Variants in TMEM9B observed in about 807,000 individuals in gnomAD.
The protein encoded by TMEM9B is transmembrane protein 9B.
A neutral mutation model predicts 23.5 loss-of-function variants in TMEM9B; 8 were observed. The ratio of observed to expected loss-of-function variants is 0.34; its 90% CI spans 0.20 to 0.61. The LOEUF is 0.61. Among genes scored for constraint, TMEM9B ranks in the 20% least tolerant of loss-of-function variants. TMEM9B has a pLI of 0.78. For missense variants in TMEM9B, 197 were observed against 252.3 expected (o/e 0.78, Z 1.49); for synonymous variants, 106 against 96.3 (o/e 1.10, Z -0.59).
intron 2 of TMEM9B, among the ~76,000 whole-genome samples, chr11:8,961,857 C>T (rs1283343541): frequency 6.6e-6 from 1 of 152,194 alleles, no homozygotes; most frequent in Admixed American, 6.5e-5. Flanking sequence ...CAGTCATATG[C>T]TCCCATGAAA....
At chr11:8,964,485 A>C, upstream of TMEM9B, 16 of 1,418,216 alleles carry the variant, frequency 1.1e-5, no homozygotes, top group Non-Finnish European at 1.3e-5. Context: ...AGATGCAAAA[A>C]GCATCCGCCC....
intron 3 of TMEM9B, among the ~76,000 whole-genome samples, chr11:8,955,923 A>G (rs1299078269): frequency 6.6e-6 from 1 of 152,232 alleles, no homozygotes; most frequent in Non-Finnish European, 1.5e-5. Context: ...CTGCTCTCTC[A>G]GCCTCTGGCA....
intron 2 of TMEM9B, among the ~76,000 whole-genome samples, chr11:8,960,136 CTGTTTT>C (rs1276538956): frequency 3.4e-5 from 4 of 116,800 alleles, no homozygotes; most frequent in Non-Finnish European, 6.9e-5. Flanking sequence ...TTCTTTGTTT[CTGTTTT>C]TTTTTTTTTT....
rs537206335 is a variant in TMEM9B at position 8,958,864 on chromosome 11, C to A, written c.198-2566G>T. 2.0e-5 allele frequency among the ~76,000 whole-genome samples: 3 copies of A among 152,170 alleles called. No individual in the cohort carries two copies. The East Asian group carries it at 5.8e-4, about 29-fold the overall frequency. The stretch of plus-strand genomic sequence containing the variant: ...GGCATTACAGGCATGAGTCACCGCA[C>A]CCGGCCCAGGTTATTCTTAACAGGT... On this transcript the variant is annotated intron_variant, in intron 2 of 4. Coordinates refer to ENST00000534025, the MANE Select transcript of TMEM9B (RefSeq NM_020644.3).
At chr11:8,954,827 T>G (rs1853944206) in intron 3 of TMEM9B, among the ~76,000 whole-genome samples, 1 of 151,976 alleles carries the variant, frequency 6.6e-6, no homozygotes, top group African/African-American at 2.4e-5. Flanking sequence ...CCACAGGGCC[T>G]TTTGGGGGGA....
intron 1 of TMEM9B, chr11:8,962,858 T>G (rs1854106070): frequency 1.3e-5 from 2 of 152,290 alleles, no homozygotes. Flanking sequence ...AGTATCTGGA[T>G]AGAGAAAAGA....
At position 8,964,347 on chromosome 11, in the gene TMEM9B, C is replaced by A. The variant is rs767951609; in HGVS notation, c.-34G>T. 1.9e-6 allele frequency: 3 copies of A among 1,540,528 alleles called. No individual in the cohort carries two copies. Among genetic ancestry groups the A allele is most frequent in the Admixed American group, 2.0e-5 (1 of 50,094 alleles). ...GCCCAGCGGTCCCACAGCCCGGAGCCCCCGCGACCGGCTCCCGGCTCGGGC... is the reference window on the plus strand; with the variant it reads ...GCCCAGCGGTCCCACAGCCCGGAGCACCCGCGACCGGCTCCCGGCTCGGGC... On this transcript the variant is annotated 5_prime_UTR_variant, in exon 1 of 5. Coordinates refer to ENST00000534025, the MANE Select transcript of TMEM9B (RefSeq NM_020644.3).
intron 1 of TMEM9B, 41 bp downstream of exon 1, chr11:8,964,168 G>A (rs1854140738): frequency 6.5e-7 from 1 of 1,542,784 alleles, no homozygotes; most frequent in Non-Finnish European, 8.8e-7. Flanking sequence ...CCGGTGGTAG[G>A]GGAGGAGCTT....
intron 4 of TMEM9B, among the ~76,000 whole-genome samples, chr11:8,951,587 T>C (rs1390905662): frequency 3.3e-5 from 3 of 91,826 alleles, no homozygotes; most frequent in South Asian, 3.2e-4. Flanking sequence ...CCGTCTCTAC[T>C]AGAAAAAAAA....
At chr11:8,964,925 T>G (rs780743527), upstream of TMEM9B, 2 of 152,810 alleles carry the variant, frequency 1.3e-5, no homozygotes, top group African/African-American at 4.8e-5. Context: ...CAGCACCCCG[T>G]CGGCTTTCTA....
intron 1 of TMEM9B, 69 bp downstream of exon 1, chr11:8,964,140 G>A: frequency 6.8e-7 from 1 of 1,479,592 alleles, no homozygotes; most frequent in South Asian, 1.2e-5. Context: ...CAGGTTGGCA[G>A]ACCCAGTTTC....
At chr11:8,954,491 G>T (rs974707172) in intron 3 of TMEM9B, among the ~76,000 whole-genome samples, 1 of 152,036 alleles carries the variant, frequency 6.6e-6, no homozygotes, top group Admixed American at 6.5e-5. Context: ...GTTTCACCAC[G>T]TTGGACAGGC....
Position 8,953,291 on chromosome 11 carries a change from T to TA in TMEM9B, c.352dup (p.Tyr118LeufsTer9). 1 of 1,614,116 alleles carries TA rather than the reference T, an allele frequency of 6.2e-7. No homozygotes were observed. The highest frequency in any genetic ancestry group is 8.5e-7 in the Non-Finnish European group (1 of 1,179,988). ...CTCAACCAGAGTAAGATATACCATG[T>TA]ACAGAAGTAGAAGGCCCAAAATGGA... is the stretch of plus-strand genomic sequence containing the variant. On this transcript the variant is annotated frameshift_variant, in exon 4 of 5. Transcript: ENST00000534025. LOFTEE classifies it high-confidence loss of function.
chr11:8,950,448 A>T (rs1049017291), intron 4 of TMEM9B, among the ~76,000 whole-genome samples: 1 of 152,194 alleles, frequency 6.6e-6, no homozygotes. Context: ...GATGTACTTG[A>T]TCGGCAGAGG....
Position 8,947,267 on chromosome 11 carries a change from T to A in TMEM9B, c.*1053A>T, listed in dbSNP as rs569573012. 6.5e-6 allele frequency: 1 copy of A among 152,722 alleles called. No individual in the cohort carries two copies. The highest frequency in any genetic ancestry group is 2.1e-4 in the South Asian group (1 of 4,824). The allele number at this position is 152,722 out of a possible 1,614,324, so 9.5% of individuals were successfully genotyped here. On this transcript the variant is annotated 3_prime_UTR_variant, in exon 5 of 5. Transcript: ENST00000534025. ...AGCAAAAGAGGGAGGAGGAAAAAAC[T>A]AGGAGACATAGATAGATACACTGAT...
At position 8,947,217 on chromosome 11, in the gene TMEM9B, C is replaced by T. The variant is rs1388452450; in HGVS notation, c.*1103G>A. ...AGTCTCAGAACAGGGTACAAAATGT[C>T]TTTATATCTTCAATCTCATTATACA... On this transcript the variant is annotated 3_prime_UTR_variant, in exon 5 of 5. Transcript: ENST00000534025. 6.6e-6 allele frequency: 1 copy of T among 152,518 alleles called. No individual in the cohort carries two copies. Among genetic ancestry groups the T allele is most frequent in the Non-Finnish European group, 1.5e-5 (1 of 68,010 alleles). The allele number at this position is 152,518 out of a possible 1,614,324, so 9.4% of individuals were successfully genotyped here.
At chr11:8,950,451 G>A (rs2568083) in intron 4 of TMEM9B, among the ~76,000 whole-genome samples, 142,687 of 152,252 alleles carry the variant, frequency 0.94, 67,532 homozygotes, top group East Asian at 1. Context: ...GTACTTGATC[G>A]GCAGAGGACC....
chr11:8,962,305 A>G (rs1443512937), intron 1 of TMEM9B, 122 bp from the exon 2 acceptor site: 2 of 625,180 alleles, frequency 3.2e-6, no homozygotes, highest in East Asian at 3.3e-5. Flanking sequence ...AAAATCATTC[A>G]TTTAAAACTT....
At chr11:8,961,951 T>A in intron 2 of TMEM9B, 141 bp downstream of exon 2, 1 of 585,010 alleles carries the variant, frequency 1.7e-6, no homozygotes. Flanking sequence ...CTCTCACTTT[T>A]TCAAATGGAA....
Sources: gnomAD v4.1 joint callset for allele counts (sites outside exome capture counted in the v4.1 genomes callset) on GRCh38, gnomAD v4.1.1 for gene constraint, MANE v1.5 for transcripts, NCBI Gene and HGNC (gene_info 2026-07-23, HGNC 2026-07-21) for gene names.